The following VSX2 variants were observed in gnomAD, a reference collection of about 807,000 sequenced individuals.
VSX2 encodes ceh-10 homeo domain containing homolog.
A neutral mutation model predicts 32.1 loss-of-function variants in VSX2; 28 were observed. That is an observed-to-expected ratio of 0.87 (90% CI 0.65 to 1.20). The LOEUF (loss-of-function observed/expected upper bound fraction) is 1.20. VSX2 is among the 50% of genes most tolerant of loss of function. The pLI, the probability that VSX2 is intolerant of heterozygous loss-of-function variation, is 0.00. For missense variants in VSX2, 506 were observed against 488.7 expected, an observed-to-expected ratio of 1.04 and a Z score of -0.33; for synonymous variants, 243 against 214.1, an observed-to-expected ratio of 1.14 and a Z score of -1.18.
At chr14:74,258,878 C>T (rs563228521) in intron 3 of VSX2, among the ~76,000 whole-genome samples, 1 of 152,308 alleles carries the variant, frequency 6.6e-6, no homozygotes, top group East Asian at 1.9e-4. Flanking sequence ...CCATTTGCTC[C>T]TCAACCCTGG....
intron 3 of VSX2, among the ~76,000 whole-genome samples, chr14:74,258,878 C>G (rs563228521): frequency 6.6e-6 from 1 of 152,190 alleles, no homozygotes; most frequent in Non-Finnish European, 1.5e-5. Flanking sequence ...CCATTTGCTC[C>G]TCAACCCTGG....
chr14:74,259,026 C>G (rs546766156), intron 3 of VSX2, among the ~76,000 whole-genome samples: 3 of 152,144 alleles, frequency 2.0e-5, no homozygotes, highest in Non-Finnish European at 4.4e-5. Context: ...GGCAGGCTGA[C>G]CCAGGCCTCC....
At chr14:74,249,837 G>A (rs907170471) in intron 3 of VSX2, among the ~76,000 whole-genome samples, 5 of 152,166 alleles carry the variant, frequency 3.3e-5, no homozygotes, top group Non-Finnish European at 5.9e-5. Flanking sequence ...GAGTAAACAC[G>A]TCCTCACTCC....
At chr14:74,253,229 C>T (rs940747297) in intron 3 of VSX2, among the ~76,000 whole-genome samples, 1 of 152,032 alleles carries the variant, frequency 6.6e-6, no homozygotes, top group Admixed American at 6.5e-5. Flanking sequence ...CTCGCTGGCA[C>T]CTTGACGCAG....
intron 3 of VSX2, among the ~76,000 whole-genome samples, chr14:74,256,355 C>G (rs531046999): frequency 6.6e-6 from 1 of 152,126 alleles, no homozygotes; most frequent in South Asian, 2.1e-4. Context: ...TGCTTGAATG[C>G]GGAAGGTGGA....
At chr14:74,251,212 G>T (rs2079227199) in intron 3 of VSX2, among the ~76,000 whole-genome samples, 1 of 152,056 alleles carries the variant, frequency 6.6e-6, no homozygotes, top group African/African-American at 2.4e-5. Flanking sequence ...CACTTTGGGA[G>T]GCCAAGGTGG....
intron 3 of VSX2, among the ~76,000 whole-genome samples, chr14:74,254,818 C>T (rs1257870279): frequency 4.0e-5 from 3 of 74,122 alleles, no homozygotes; most frequent in Non-Finnish European, 5.6e-5. Context: ...CTTGCTCTGT[C>T]GCCCAGGCTC....
chr14:74,240,555 C>G (rs1227116779), intron 1 of VSX2, among the ~76,000 whole-genome samples: 1 of 152,180 alleles, frequency 6.6e-6, no homozygotes, highest in Non-Finnish European at 1.5e-5. Flanking sequence ...GCCTTCTCCC[C>G]GCGCTGCTTT....
intron 3 of VSX2, among the ~76,000 whole-genome samples, chr14:74,248,548 G>C (rs569606922): frequency 2.0e-5 from 3 of 151,836 alleles, no homozygotes; most frequent in Admixed American, 1.3e-4. Context: ...AAAATTAGCC[G>C]AGCATGGTGA....
chr14:74,257,390 C>G (rs1289684192), intron 3 of VSX2, among the ~76,000 whole-genome samples: 3 of 152,264 alleles, frequency 2.0e-5, no homozygotes, highest in African/African-American at 7.2e-5. Context: ...AGGTGCCAAA[C>G]CCGGAGGCAG....
At position 74,259,834 on chromosome 14, in the gene VSX2, C is replaced by T. The variant is rs760111724; in HGVS notation, c.760+52C>T. On this transcript the variant is annotated intron_variant, in intron 4 of 4. Transcript: ENST00000261980. ...CCTGCCCTGCGGTGAGGAGAGCGGG[C>T]TCCTTGGAGGAGGGGACAGAGCCTT... 8.9e-6 allele frequency: 14 copies of T among 1,571,670 alleles called. No homozygotes were observed. In the Admixed American group the frequency reaches 2.1e-4, roughly 24 times the overall value.
Position 74,261,021 on chromosome 14 carries a change from C to A in VSX2, c.*102C>A. ...AGGCAAGGCCCAGACCTGGCCTCTGCCATCCTCCCTGTTCCCCACAGGTCC... is the reference window on the plus strand; with the variant it reads ...AGGCAAGGCCCAGACCTGGCCTCTGACATCCTCCCTGTTCCCCACAGGTCC... On this transcript the variant is annotated 3_prime_UTR_variant, in exon 5 of 5. Transcript: ENST00000261980. The A allele has an allele frequency of 7.3e-7, 1 of 1,377,204 alleles. No individual in the cohort carries two copies. Among genetic ancestry groups the A allele is most frequent in the African/African-American group, 1.4e-5 (1 of 69,848 alleles). 85.3% of individuals were successfully genotyped at this position (1,377,204 alleles called of 1,614,324 possible). A position where few individuals can be genotyped will look rare whatever the true frequency, so the allele number is the denominator to read the frequency against.
At chr14:74,256,620 T>C (rs1269695114) in intron 3 of VSX2, among the ~76,000 whole-genome samples, 1 of 151,882 alleles carries the variant, frequency 6.6e-6, no homozygotes, top group Non-Finnish European at 1.5e-5. Context: ...CACCAGGGGA[T>C]TCATTCTTTG....
At chr14:74,255,231 A>G (rs1047734035) in intron 3 of VSX2, among the ~76,000 whole-genome samples, 1 of 152,134 alleles carries the variant, frequency 6.6e-6, no homozygotes, top group African/African-American at 2.4e-5. Context: ...TTTCAGTTCT[A>G]TATACAGGCT....
chr14:74,244,139 G>A (rs2079168746), intron 2 of VSX2, among the ~76,000 whole-genome samples: 1 of 152,158 alleles, frequency 6.6e-6, no homozygotes, highest in Non-Finnish European at 1.5e-5. Context: ...AATGTTGGAG[G>A]CAAAATTTTA....
At chr14:74,244,451 G>C (rs985874062) in intron 2 of VSX2, among the ~76,000 whole-genome samples, 6 of 152,158 alleles carry the variant, frequency 3.9e-5, no homozygotes, top group Admixed American at 6.5e-5. Flanking sequence ...GGAAGGGCAG[G>C]GGAGGAGGAA....
In VSX2 at chr14:74,260,944, G is replaced by A. The variant is rs374436224; in HGVS notation, c.*25G>A. 5 of 1,549,262 alleles carry A rather than the reference G, an allele frequency of 3.2e-6. No individual in the cohort carries two copies. In the South Asian group the frequency reaches 3.6e-5, roughly 11 times the overall value. ...GGTCAAGGCGCGCTCAGATGCCGGA[G>A]CCCCAAGACTCTGCTCTCCTCGGGC... On this transcript the variant is annotated 3_prime_UTR_variant, in exon 5 of 5. Transcript: ENST00000261980.
chr14:74,239,717 G>A lies in VSX2; in HGVS notation c.156G>A (p.Ala52=). ...CCCCGAGCTCCCACCCGCGGGCAGC[G>A]CTCGACGGCCTGGCCCCCGGGCACT... ...KEPPSSHPRA[A]LDGLAPGHLL... Residue 52 remains alanine, a synonymous_variant, in exon 1 of 5, where the codon GCG becomes GCA. Coordinates refer to ENST00000261980, the MANE Select transcript of VSX2 (RefSeq NM_182894.3). 2 of 1,549,348 alleles carry A rather than the reference G, an allele frequency of 1.3e-6. No individual in the cohort carries two copies. Among genetic ancestry groups the A allele is most frequent in the Non-Finnish European group, 1.7e-6 (2 of 1,146,710 alleles).
intron 3 of VSX2, among the ~76,000 whole-genome samples, chr14:74,251,045 T>G (rs1357972385): frequency 6.6e-6 from 1 of 151,348 alleles, no homozygotes; most frequent in Non-Finnish European, 1.5e-5. Context: ...CAGGTCACAG[T>G]GGCTCACGTC....
Sources: gnomAD v4.1 joint callset for allele counts (sites outside exome capture counted in the v4.1 genomes callset) on GRCh38, gnomAD v4.1.1 for gene constraint, MANE v1.5 for transcripts, NCBI Gene and HGNC (gene_info 2026-07-23, HGNC 2026-07-21) for gene names.